DCC: variants seen among roughly 807,000 people sequenced by gnomAD.
DCC encodes the protein DCC netrin 1 receptor.
Under a neutral mutation model 172.5 loss-of-function variants are expected in DCC, and 58 were observed. The observed-to-expected ratio is 0.34, with a 90% CI of 0.27 to 0.42. The LOEUF is 0.42. DCC is among the 10% of genes least tolerant of loss of function. The probability of loss-of-function intolerance (pLI) is 1.00; values close to 1 mark genes in which losing one functional copy is unlikely to be tolerated. For synonymous variants in DCC, 709 were observed against 644.5 expected (o/e 1.10, Z -1.52); for missense variants, 1,740 against 1,791.0 (o/e 0.97, Z 0.51).
intron 8 of DCC, among the ~76,000 whole-genome samples, chr18:53,160,236 C>T (rs1300471584): frequency 6.6e-6 from 1 of 152,166 alleles, no homozygotes; most frequent in East Asian, 1.9e-4. Context: ...ACCTTGACAA[C>T]ACCAATCACT....
intron 1 of DCC, among the ~76,000 whole-genome samples, chr18:52,634,325 C>T (rs911355369): frequency 6.6e-6 from 1 of 152,162 alleles, no homozygotes; most frequent in Non-Finnish European, 1.5e-5. Flanking sequence ...ATGCATTATG[C>T]ATATTATTTC....
At chr18:52,678,873 C>A (rs2035691961) in intron 1 of DCC, among the ~76,000 whole-genome samples, 1 of 152,094 alleles carries the variant, frequency 6.6e-6, no homozygotes, top group Non-Finnish European at 1.5e-5. Context: ...CCCATTCTTT[C>A]ATCGGTGACT....
chr18:53,024,083 A>G (rs1266991533), intron 5 of DCC, among the ~76,000 whole-genome samples: 2 of 152,160 alleles, frequency 1.3e-5, no homozygotes, highest in Non-Finnish European at 2.9e-5. Flanking sequence ...GTGGGTAAAA[A>G]TGTGTTTAGA....
chr18:53,070,899 G>GC lies in DCC; in HGVS notation c.1261+4734dup, dbSNP rs2042642804. Among the ~76,000 whole-genome samples, 3 of 152,276 alleles carry GC rather than the reference G, an allele frequency of 2.0e-5. No homozygotes were observed. The South Asian group carries it at 6.2e-4, about 32-fold the overall frequency. On this transcript the variant is annotated intron_variant, in intron 7 of 28. Coordinates refer to ENST00000442544, the MANE Select transcript of DCC (RefSeq NM_005215.4). ...ATTCCTCAGAGATGCAGCACAGGCC[G>GC]CGTGCACAGATGGTAGAGAGGCCAG...
At chr18:53,124,904 A>C (rs2043533440) in intron 7 of DCC, among the ~76,000 whole-genome samples, 1 of 151,790 alleles carries the variant, frequency 6.6e-6, no homozygotes, top group Non-Finnish European at 1.5e-5. Flanking sequence ...CAGGAGGTGG[A>C]GGTTGCAGTG....
intron 23 of DCC, among the ~76,000 whole-genome samples, chr18:53,454,669 G>C (rs1238520718): frequency 6.6e-6 from 1 of 152,164 alleles, no homozygotes; most frequent in East Asian, 1.9e-4. Context: ...TTGACATGTG[G>C]ACAGCAAGTT....
chr18:53,450,427 A>G, intron 22 of DCC, 73 bp from the exon 23 acceptor site: 2 of 1,550,692 alleles, frequency 1.3e-6, no homozygotes, highest in Non-Finnish European at 8.9e-7. Context: ...AACTTTGTAT[A>G]TCCCAAGAGA....
At chr18:53,145,360 G>T (rs903624215) in intron 7 of DCC, among the ~76,000 whole-genome samples, 1 of 151,998 alleles carries the variant, frequency 6.6e-6, no homozygotes, top group Non-Finnish European at 1.5e-5. Flanking sequence ...TGATCCGCCC[G>T]CCTCGGCCTC....
chr18:52,459,813 T>C (rs996486046), intron 1 of DCC, among the ~76,000 whole-genome samples: 4 of 152,008 alleles, frequency 2.6e-5, no homozygotes, highest in Non-Finnish European at 5.9e-5. Context: ...TTAAGGATGA[T>C]GGCCTCTAGC....
chr18:52,963,215 T>G (rs1402463098), intron 5 of DCC, among the ~76,000 whole-genome samples: 1 of 151,890 alleles, frequency 6.6e-6, no homozygotes, highest in African/African-American at 2.4e-5. Context: ...GGATATAGAT[T>G]TTTTTAAAAA....
At chr18:53,020,356 A>G (rs1482767061) in intron 5 of DCC, among the ~76,000 whole-genome samples, 1 of 152,142 alleles carries the variant, frequency 6.6e-6, no homozygotes, top group Non-Finnish European at 1.5e-5. Context: ...CCAAGGAGAG[A>G]TCAACAAATT....
chr18:52,698,623 C>T (rs1316345392), intron 1 of DCC, among the ~76,000 whole-genome samples: 2 of 151,880 alleles, frequency 1.3e-5, no homozygotes, highest in Non-Finnish European at 2.9e-5. Flanking sequence ...GATGGAGTCT[C>T]ACTCTGTCAC....
intron 5 of DCC, among the ~76,000 whole-genome samples, chr18:52,950,179 T>C (rs2040613592): frequency 6.6e-6 from 1 of 152,216 alleles, no homozygotes; most frequent in African/African-American, 2.4e-5. Context: ...ATCTGTCTCC[T>C]GATTCATCAA....
At chr18:52,536,333 C>T (rs1197108112) in intron 1 of DCC, among the ~76,000 whole-genome samples, 11 of 151,702 alleles carry the variant, frequency 7.3e-5, no homozygotes, top group Admixed American at 1.3e-4. Flanking sequence ...TGGGAAGCTG[C>T]GGACAGATGG....
At chr18:52,921,726 T>TA (rs969595344) in intron 3 of DCC, among the ~76,000 whole-genome samples, 377 of 103,818 alleles carry the variant, frequency 3.6e-3, no homozygotes, top group African/African-American at 0.012. Context: ...ATAATAATAA[T>TA]ATATATAAAT....
At chr18:53,180,701 T>C (rs138413826) in intron 9 of DCC, among the ~76,000 whole-genome samples, 1 of 152,356 alleles carries the variant, frequency 6.6e-6, no homozygotes, top group African/African-American at 2.4e-5. Context: ...TCTCACTCTC[T>C]TGCCCAGACT....
At chr18:53,341,134 A>C (rs1388152238) in intron 15 of DCC, among the ~76,000 whole-genome samples, 1 of 152,186 alleles carries the variant, frequency 6.6e-6, no homozygotes, top group Admixed American at 6.6e-5. Flanking sequence ...ATGGCTATCA[A>C]GCCTATGTCA....
At chr18:53,527,317 C>T (rs375945195) in intron 28 of DCC, among the ~76,000 whole-genome samples, 9 of 151,558 alleles carry the variant, frequency 5.9e-5, no homozygotes, top group East Asian at 5.8e-4. Context: ...CTTCTTAGCT[C>T]AAGCAGTTCT....
chr18:52,807,151 C>G (rs574331935), intron 2 of DCC, among the ~76,000 whole-genome samples: 2 of 152,102 alleles, frequency 1.3e-5, no homozygotes, highest in South Asian at 4.1e-4. Context: ...GCCGAGGTCG[C>G]GCCACTGCAC....
Sources: allele counts gnomAD v4.1 joint callset (sites outside exome capture counted in the v4.1 genomes callset), GRCh38; gene constraint gnomAD v4.1.1; transcripts MANE v1.5; gene names NCBI Gene and HGNC (gene_info 2026-07-23, HGNC 2026-07-21).